PAPPA: variants seen among roughly 807,000 people sequenced by gnomAD.
PAPPA encodes the protein pappalysin 1.
Under a neutral mutation model 164.0 loss-of-function variants are expected in PAPPA, and 60 were observed. That is an observed-to-expected ratio of 0.37 (90% CI 0.30 to 0.45). The LOEUF (loss-of-function observed/expected upper bound fraction) is 0.45, where lower values mean the gene tolerates loss of function less well. PAPPA is among the 20% of genes least tolerant of loss of function. PAPPA has a pLI of 1.00. For synonymous variants in PAPPA, 875 were observed against 814.1 expected (o/e 1.07, Z -1.27); for missense variants, 1,782 against 2,087.3 (o/e 0.85, Z 2.85).
intron 19 of PAPPA, among the ~76,000 whole-genome samples, chr9:116,367,976 C>G (rs1409146708): frequency 6.6e-6 from 1 of 152,170 alleles, no homozygotes; most frequent in African/African-American, 2.4e-5. Flanking sequence ...AATACTTTCT[C>G]TCTGTCAGGT....
At chr9:116,231,766 C>CTTTTTTTTTTTTTTT (rs71377228) in intron 6 of PAPPA, among the ~76,000 whole-genome samples, 1 of 57,524 alleles carries the variant, frequency 1.7e-5, no homozygotes, top group Non-Finnish European at 3.1e-5. Context: ...TTTTCTTTTT[C>CTTTTTTTTTTTTTTT]TTTTTTTTTT....
intron 21 of PAPPA, among the ~76,000 whole-genome samples, chr9:116,384,169 T>A (rs1462043033): frequency 2.6e-5 from 4 of 151,930 alleles, no homozygotes; most frequent in Non-Finnish European, 5.9e-5. Flanking sequence ...CTCACGGTTG[T>A]AACTCCAGCA....
At chr9:116,316,059 C>G (rs1202776734) in intron 10 of PAPPA, among the ~76,000 whole-genome samples, 1 of 152,138 alleles carries the variant, frequency 6.6e-6, no homozygotes, top group African/African-American at 2.4e-5. Flanking sequence ...ACAGGGAAGT[C>G]TAGAATTTGA....
intron 7 of PAPPA, among the ~76,000 whole-genome samples, chr9:116,264,758 T>A (rs1352973110): frequency 6.6e-6 from 1 of 152,176 alleles, no homozygotes; most frequent in Non-Finnish European, 1.5e-5. Context: ...TATTAAAAAA[T>A]TATTACTAAA....
intron 10 of PAPPA, among the ~76,000 whole-genome samples, chr9:116,326,938 A>G (rs1316471235): frequency 6.6e-6 from 1 of 152,224 alleles, no homozygotes; most frequent in Non-Finnish European, 1.5e-5. Flanking sequence ...GTCAAGTAAT[A>G]TTCCATTGTG....
At chr9:116,395,042 A>T (rs924066718) in intron 21 of PAPPA, among the ~76,000 whole-genome samples, 5 of 152,196 alleles carry the variant, frequency 3.3e-5, no homozygotes, top group Admixed American at 1.3e-4. Flanking sequence ...AGCACTTAGC[A>T]TATGTCAAGC....
At chr9:116,330,306 A>C (rs1361538769) in intron 10 of PAPPA, among the ~76,000 whole-genome samples, 1 of 152,058 alleles carries the variant, frequency 6.6e-6, no homozygotes, top group Non-Finnish European at 1.5e-5. Context: ...CCCTCATTGC[A>C]CTGTTTTCTG....
At position 116,349,319 on chromosome 9, in the gene PAPPA, A is replaced by T. The variant is rs79443956; in HGVS notation, c.3964+2110A>T. ...AGACAGCTTTGGTTTAGGGACAAACAAGTTAGGTGATTTGTTCAAGGTCAC... is the reference window on the plus strand; with the variant it reads ...AGACAGCTTTGGTTTAGGGACAAACTAGTTAGGTGATTTGTTCAAGGTCAC... On this transcript the variant is annotated intron_variant, in intron 15 of 21. Coordinates refer to ENST00000328252, the MANE Select transcript of PAPPA (RefSeq NM_002581.5). Among the ~76,000 whole-genome samples, 407 of 152,284 alleles carry T rather than the reference A, an allele frequency of 2.7e-3. 1 individual carries two copies. Among genetic ancestry groups the T allele is most frequent in the African/African-American group, 9.3e-3 (388 of 41,564 alleles).
chr9:116,170,327 T>C (rs148287047), intron 1 of PAPPA, among the ~76,000 whole-genome samples: 2 of 152,304 alleles, frequency 1.3e-5, no homozygotes, highest in Non-Finnish European at 2.9e-5. Context: ...TTGGAGTAAA[T>C]AGAATTTGGA....
At chr9:116,281,458 C>G (rs775366048) in intron 9 of PAPPA, among the ~76,000 whole-genome samples, 1 of 152,192 alleles carries the variant, frequency 6.6e-6, no homozygotes, top group African/African-American at 2.4e-5. Flanking sequence ...CCCTCGTGTC[C>G]CAACATCCAG....
intron 10 of PAPPA, among the ~76,000 whole-genome samples, chr9:116,322,578 T>C (rs929305948): frequency 2.0e-5 from 3 of 152,176 alleles, no homozygotes; most frequent in African/African-American, 7.2e-5. Flanking sequence ...CCTTTACAGC[T>C]GTAGTCTTAT....
At chr9:116,351,519 A>G (rs1036102983) in intron 15 of PAPPA, among the ~76,000 whole-genome samples, 1 of 152,194 alleles carries the variant, frequency 6.6e-6, no homozygotes, top group Non-Finnish European at 1.5e-5. Flanking sequence ...ACAGATAGAA[A>G]AATTGAGATT....
chr9:116,239,479 C>CT (rs1208214031), intron 7 of PAPPA, among the ~76,000 whole-genome samples: 3 of 152,088 alleles, frequency 2.0e-5, no homozygotes, highest in Admixed American at 6.6e-5. Context: ...GATTCACATA[C>CT]TTTTTTGTAG....
Position 116,400,338 on chromosome 9 carries a change from A to C in PAPPA, c.*3722A>C, listed in dbSNP as rs1285905085. 6.6e-6 allele frequency: 1 copy of C among 152,072 alleles called. No individual in the cohort carries two copies. Among genetic ancestry groups the C allele is most frequent in the Non-Finnish European group, 1.5e-5 (1 of 68,006 alleles). The allele number at this position is 152,072 out of a possible 1,614,324, so 9.4% of individuals were successfully genotyped here. ...GTGGGATTTGATAACACTGTCTGTTATTTTCTGTACATTGTGGTAGGTCCA... is the reference window on the plus strand; with the variant it reads ...GTGGGATTTGATAACACTGTCTGTTCTTTTCTGTACATTGTGGTAGGTCCA... On this transcript the variant is annotated 3_prime_UTR_variant, in exon 22 of 22. Coordinates refer to ENST00000328252, the MANE Select transcript of PAPPA (RefSeq NM_002581.5).
chr9:116,256,930 G>T (rs1046619440), intron 7 of PAPPA, among the ~76,000 whole-genome samples: 4 of 148,822 alleles, frequency 2.7e-5, no homozygotes, highest in Admixed American at 1.3e-4. Context: ...ATTTTTTAAA[G>T]TTTTTTTTTT....
intron 20 of PAPPA, among the ~76,000 whole-genome samples, chr9:116,381,215 C>A (rs1028353094): frequency 6.6e-6 from 1 of 152,182 alleles, no homozygotes; most frequent in Non-Finnish European, 1.5e-5. Flanking sequence ...CATGAAGTAA[C>A]CATCCCATTG....
chr9:116,207,640 G>A (rs1288542050), intron 3 of PAPPA, 39 bp downstream of exon 3: 2 of 1,551,174 alleles, frequency 1.3e-6, no homozygotes, highest in South Asian at 2.3e-5. Context: ...AACTAGAGTA[G>A]GACAGTAATA....
chr9:116,364,690 A>G (rs1325504461), intron 18 of PAPPA, among the ~76,000 whole-genome samples: 1 of 152,090 alleles, frequency 6.6e-6, no homozygotes, highest in African/African-American at 2.4e-5. Flanking sequence ...TATTTTATTC[A>G]GATGTCTCAA....
intron 6 of PAPPA, among the ~76,000 whole-genome samples, chr9:116,229,097 C>T (rs754592311): frequency 1.3e-5 from 2 of 152,096 alleles, no homozygotes; most frequent in Non-Finnish European, 2.9e-5. Flanking sequence ...ATAGAAGTAC[C>T]AAGTGGTGCT....
Sources: allele counts gnomAD v4.1 joint callset (sites outside exome capture counted in the v4.1 genomes callset), GRCh38; gene constraint gnomAD v4.1.1; transcripts MANE v1.5; gene names NCBI Gene and HGNC (gene_info 2026-07-23, HGNC 2026-07-21).